Variants in SNAI3 observed in about 807,000 individuals in gnomAD.
The protein encoded by SNAI3 is zinc finger protein SNAI3.
SNAI3 carries 21 observed loss-of-function variants against 16.4 expected under a neutral mutation model. That is an observed-to-expected ratio of 1.28 (90% confidence interval 0.91 to 1.85). The LOEUF is 1.85. Ranked by LOEUF, SNAI3 falls within the 40% of genes most tolerant of loss-of-function variation. SNAI3 has a pLI of 0.00. For missense variants in SNAI3, 457 were observed against 372.8 expected (o/e 1.23, Z -1.86); for synonymous variants, 202 against 166.6 (o/e 1.21, Z -1.64).
Position 88,681,232 on chromosome 16 carries a change from A to G in SNAI3, c.559T>C (p.Tyr187His), listed in dbSNP as rs148592286. The G allele has an allele frequency of 1.9e-6, 3 of 1,613,590 alleles. No homozygotes were observed. The highest frequency in any genetic ancestry group is 2.7e-5 in the African/African-American group (2 of 74,902). ...LQVGRVFTCK[Y>H]CDKEYTSLGA... ...AGGCTGGTGTACTCCTTGTCGCAGT[A>G]CTTGCAGGTGAAGACACGCCCCACC... The change falls in exon 2 of 3, where the codon TAC becomes CAC. Residue 187 changes from tyrosine (Y) to histidine (H), a missense_variant. Coordinates refer to ENST00000332281, the MANE Select transcript of SNAI3 (RefSeq NM_178310.4). This position sits in a 1 kb window ranked among gnomAD's most constrained non-coding sequence, Gnocchi z 5.4.
chr16:88,678,742 C>G, intron 2 of SNAI3, 113 bp from the exon 3 acceptor site: 1 of 1,459,940 alleles, frequency 6.8e-7, no homozygotes, highest in Non-Finnish European at 9.0e-7. Context: ...TGCTCACAGC[C>G]AGAGCACCCA....
chr16:88,679,072 G>A, intron 2 of SNAI3: 7 of 985,428 alleles, frequency 7.1e-6, no homozygotes, highest in Non-Finnish European at 8.4e-6. Context: ...TGGGACCTTG[G>A]CCCAACACCT....
chr16:88,681,311 G>T lies in SNAI3; in HGVS notation c.480C>A (p.Pro160=). Residue 160 remains proline, a synonymous_variant, in exon 2 of 3, where the codon CCC becomes CCA. Transcript: ENST00000332281. The surrounding 1 kb of genome is among the most constrained non-coding windows in gnomAD (Gnocchi z 5.4). The part of the protein sequence containing the change: ...GGFECFHCHK[P]YHTLAGLARH... ...TGGCCAGCCCGGCCAGCGTGTGGTA[G>T]GGTTTGTGGCAGTGGAAGCACTCAA... The T allele has an allele frequency of 6.2e-7, 1 of 1,613,284 alleles. No individual in the cohort carries two copies. The highest frequency in any genetic ancestry group is 1.3e-5 in the African/African-American group (1 of 75,054).
At chr16:88,682,821 C>G (rs954619701) in intron 1 of SNAI3, among the ~76,000 whole-genome samples, 2 of 113,792 alleles carry the variant, frequency 1.8e-5, no homozygotes, top group African/African-American at 6.6e-5. Context: ...TGTTGCCAGG[C>G]TGGAGTGCAG....
rs367685367 is a variant in SNAI3, at chr16:88,678,432, G to A, written c.*16C>T. On this transcript the variant is annotated 3_prime_UTR_variant, in exon 3 of 3. Coordinates refer to ENST00000332281, the MANE Select transcript of SNAI3 (RefSeq NM_178310.4). ...GGTGAGGACCATCCCTCCTACCTGC[G>A]CCGACCACGTGCCTCTCAGGGGCCC... is the stretch of plus-strand genomic sequence containing the variant. 55 of 758,386 alleles carry A rather than the reference G, an allele frequency of 7.3e-5. No individual in the cohort carries two copies. The highest frequency in any genetic ancestry group is 1.2e-4 in the Non-Finnish European group (50 of 412,688). The allele number at this position is 758,386 out of a possible 1,614,324, so 47.0% of individuals were successfully genotyped here.
rs200516661 is a variant in SNAI3, at chr16:88,681,517, C to T, written c.274G>A (p.Glu92Lys). 97 of 1,536,834 alleles carry T rather than the reference C, an allele frequency of 6.3e-5. No individual in the cohort carries two copies. The East Asian group carries it at 1.8e-3, about 28-fold the overall frequency. Reference protein sequence around the residue: ...ASGLDALEVSEVDPRASRAAI... With the variant: ...ASGLDALEVSKVDPRASRAAI... ...GCCCGGCTGGCCCGAGGGTCGACCT[C>T]GCTGACTTCCAAGGCGTCCAGCCCA... is the stretch of plus-strand genomic sequence containing the variant. The change falls in exon 2 of 3, where the codon GAG (glutamate) becomes AAG (lysine). Residue 92 changes from glutamate (E) to lysine (K), a missense_variant. Glu to Lys is a moderately conservative substitution (Grantham distance 56, BLOSUM62 1). Coordinates refer to ENST00000332281, the MANE Select transcript of SNAI3 (RefSeq NM_178310.4). This position sits in a 1 kb window ranked among gnomAD's most constrained non-coding sequence, Gnocchi z 5.4.
At position 88,681,661 on chromosome 16, in the gene SNAI3, G is replaced by T; in HGVS notation, c.130C>A (p.Arg44=). ...CGGLVVPLLP[R]DKEAPSVPGD... ...GGCACAGAAGGGGCCTCCTTGTCTC[G>T]GGGGAGGAGGGGCACCACCAGCCCC... is the stretch of plus-strand genomic sequence containing the variant. Residue 44 remains arginine (R), a synonymous_variant, in exon 2 of 3, where the codon CGA becomes AGA. Transcript: ENST00000332281. This position sits in a 1 kb window ranked among gnomAD's most constrained non-coding sequence, Gnocchi z 5.4. 6.8e-7 allele frequency: 1 copy of T among 1,475,908 alleles called. No homozygotes were observed. Among genetic ancestry groups the T allele is most frequent in the South Asian group, 1.5e-5 (1 of 67,316 alleles). The allele number at this position is 1,475,908 out of a possible 1,614,324, so 91.4% of individuals were successfully genotyped here.
At chr16:88,683,155 G>A (rs1246233500) in intron 1 of SNAI3, among the ~76,000 whole-genome samples, 8 of 143,304 alleles carry the variant, frequency 5.6e-5, no homozygotes, top group Non-Finnish European at 1.2e-4. Flanking sequence ...GCGTGAAATC[G>A]GCTCACTGCA....
intron 2 of SNAI3, among the ~76,000 whole-genome samples, 149 bp downstream of exon 2, chr16:88,680,938 TCTGTGGG>T (rs1383002954): frequency 2.6e-5 from 4 of 152,190 alleles, no homozygotes; most frequent in African/African-American, 9.7e-5. Flanking sequence ...TAGTCTGTGG[TCTGTGGG>T]ACTTTGTACA....
At position 88,681,686 on chromosome 16, in the gene SNAI3, C is replaced by T; in HGVS notation, c.105G>A (p.Gly35=). The change falls in exon 2 of 3, where the codon GGG becomes GGA. Residue 35 remains glycine, a synonymous_variant. Transcript: ENST00000332281. This position sits in a 1 kb window ranked among gnomAD's most constrained non-coding sequence, Gnocchi z 5.4. ...GGGGGAGGAGGGGCACCACCAGCCC[C>T]CCACAGGCAGAGCAGGCACCATTGA... ...REINGACSAC[G]GLVVPLLPRD... is the part of the protein sequence containing the mutation. 6.8e-7 allele frequency: 1 copy of T among 1,467,406 alleles called. No individual in the cohort carries two copies. Among genetic ancestry groups the T allele is most frequent in the African/African-American group, 1.4e-5 (1 of 70,776 alleles). 90.9% of individuals were successfully genotyped at this position (1,467,406 alleles called of 1,614,324 possible). A position where few individuals can be genotyped will look rare whatever the true frequency, so the allele number is the denominator to read the frequency against.
rs1194132836 is a variant in SNAI3, at chr16:88,681,462, T to C, written c.329A>G (p.Asn110Ser). The change falls in exon 2 of 3, where the codon AAC (asparagine) becomes AGC (serine). Residue 110 changes from asparagine (N) to serine (S), a missense_variant. Asn to Ser is a conservative substitution (Grantham distance 46). Coordinates refer to ENST00000332281, the MANE Select transcript of SNAI3 (RefSeq NM_178310.4). The surrounding 1 kb of genome is among the most constrained non-coding windows in gnomAD (Gnocchi z 5.4). Reference protein sequence around the residue: ...AAIVPLKDSLNHLNLPPLLVL... With the variant: ...AAIVPLKDSLSHLNLPPLLVL... ...CAGCAGTGGGGGCAGGTTGAGGTGG[T>C]TCAGGCTGTCTTTGAGGGGTACAAT... 1.3e-6 allele frequency: 2 copies of C among 1,594,124 alleles called. No individual in the cohort carries two copies.
rs934120279 is a variant in SNAI3 at position 88,686,452 on chromosome 16, G to T, written c.-46C>A. ...GCCGGGGTGGGCTGGGGCGGGAGGG[G>T]CGCGCCTGGGTCCGGACTGCTGCGT... On this transcript the variant is annotated 5_prime_UTR_variant, in exon 1 of 3. Coordinates refer to ENST00000332281, the MANE Select transcript of SNAI3 (RefSeq NM_178310.4). 42 of 1,592,590 alleles carry T rather than the reference G, an allele frequency of 2.6e-5. No individual in the cohort carries two copies. The highest frequency in any genetic ancestry group is 3.6e-5 in the Non-Finnish European group (42 of 1,173,846).
intron 2 of SNAI3, among the ~76,000 whole-genome samples, chr16:88,679,775 A>AAAAAAAAAAAAAAG (rs1555545688): frequency 1.9e-5 from 2 of 106,562 alleles, no homozygotes; most frequent in Non-Finnish European, 1.8e-5. Flanking sequence ...AAAAAAAAAA[A>AAAAAAAAAAAAAAG]AAAAAAAGAA....
intron 1 of SNAI3, chr16:88,685,313 C>G (rs1909319596): frequency 1.3e-5 from 2 of 152,244 alleles, no homozygotes; most frequent in South Asian, 2.1e-4. Context: ...GCTGGCACCC[C>G]CTGGTGGCAG....
chr16:88,681,352 G>C lies in SNAI3; in HGVS notation c.439C>G (p.Arg147Gly), dbSNP rs771743116. The change falls in exon 2 of 3, where the codon CGA becomes GGA. Residue 147 changes from arginine to glycine, a missense_variant. Arg to Gly is a moderately radical substitution (Grantham distance 125, BLOSUM62 -2). Transcript: ENST00000332281. The surrounding 1 kb of genome is among the most constrained non-coding windows in gnomAD (Gnocchi z 5.4). ...AAGCACTCAAAGCCGCCCGGGGCTC[G>C]GGGCATCCGCTCAGCCCCAAGCAGT... Reference protein sequence around the residue: ...EKLLGAERMPRAPGGFECFHC... With the variant: ...EKLLGAERMPGAPGGFECFHC... 6.2e-7 allele frequency: 1 copy of C among 1,612,756 alleles called. No homozygotes were observed. Among genetic ancestry groups the C allele is most frequent in the Non-Finnish European group, 8.5e-7 (1 of 1,179,686 alleles).
chr16:88,685,221 C>G (rs943837685), intron 1 of SNAI3: 2 of 152,280 alleles, frequency 1.3e-5, no homozygotes, highest in African/African-American at 4.8e-5. Context: ...CCGGCAGTTT[C>G]TGCTCTATTT....
intron 1 of SNAI3, among the ~76,000 whole-genome samples, chr16:88,683,030 G>GCCT (rs1210956140): frequency 1.3e-5 from 2 of 149,762 alleles, no homozygotes; most frequent in African/African-American, 2.5e-5. Flanking sequence ...ACCCTCCTTG[G>GCCT]CCTCCCAAAG....
chr16:88,684,227 G>A (rs1209678876), intron 1 of SNAI3, among the ~76,000 whole-genome samples: 1 of 152,206 alleles, frequency 6.6e-6, no homozygotes, highest in Non-Finnish European at 1.5e-5. Flanking sequence ...CGGCTTTGCT[G>A]GGGCCTCTCT....
intron 2 of SNAI3, chr16:88,678,935 A>C: frequency 1.0e-6 from 1 of 985,376 alleles, no homozygotes; most frequent in Non-Finnish European, 1.2e-6. Context: ...GGCCACTCAC[A>C]GGCAAGTGGG....
Sources: allele counts gnomAD v4.1 joint callset (sites outside exome capture counted in the v4.1 genomes callset), GRCh38; gene constraint gnomAD v4.1.1; non-coding constraint Gnocchi (gnomAD v3.1); transcripts MANE v1.5; gene names NCBI Gene and HGNC (gene_info 2026-07-23, HGNC 2026-07-21).